The following TARS1 variants were observed in gnomAD, a reference collection of about 807,000 sequenced individuals.
TARS1 encodes threonine--tRNA ligase 1, cytoplasmic.
Under a neutral mutation model 97.7 loss-of-function variants are expected in TARS1, and 57 were observed. The ratio of observed to expected loss-of-function variants is 0.58; its 90% CI spans 0.47 to 0.73. TARS1 has a LOEUF of 0.73. Ranked by LOEUF, TARS1 falls within the 30% of genes least tolerant of loss-of-function variation. The pLI is 0.00. For synonymous variants in TARS1, 312 were observed against 293.7 expected, an observed-to-expected ratio of 1.06 and a Z score of -0.64; for missense variants, 806 against 888.3, an observed-to-expected ratio of 0.91 and a Z score of 1.18.
chr5:33,463,772 C>T lies in TARS1; in HGVS notation c.1855C>T (p.Arg619Cys), dbSNP rs76751197. ...GGKWPFWLSP[R>C]QVMVVPVGPT... ...CCAAAGGCCCTTTTGGCTGTCCCCT[C>T]GCCAGGTAATGGTAGTTCCAGTGGG... Residue 619 changes from arginine (R) to cysteine (C), a missense_variant, in exon 17 of 19, where the codon CGC becomes TGC. Coordinates refer to ENST00000265112, the MANE Select transcript of TARS1 (RefSeq NM_152295.5). 1.6e-5 allele frequency: 26 copies of T among 1,612,394 alleles called. No individual in the cohort carries two copies. Among genetic ancestry groups the T allele is most frequent in the Admixed American group, 1.2e-4 (7 of 59,880 alleles).
Position 33,456,051 on chromosome 5 carries a change from C to G in TARS1, c.743C>G (p.Thr248Ser), listed in dbSNP as rs756108779. Residue 248 changes from threonine (T) to serine (S), a missense_variant, in exon 7 of 19, where the codon ACT becomes AGT. Thr to Ser is a moderately conservative substitution (Grantham distance 58). Around this residue, in one of 3 missense-constraint regions of TARS1, gnomAD observed 356 missense variants for 357.8 expected, o/e 0.99. Transcript: ENST00000265112. ...TTGAATGAAAAGGTGAATACTCCAA[C>G]TACCACAGTCTATAGGTAAGAATAT... is the stretch of plus-strand genomic sequence containing the variant. ...RILNEKVNTP[T>S]TTVYRCGPLI... 3 of 1,613,772 alleles carry G rather than the reference C, an allele frequency of 1.9e-6. No individual in the cohort carries two copies. Among genetic ancestry groups the G allele is most frequent in the South Asian group, 2.2e-5 (2 of 91,058 alleles).
intron 4 of TARS1, among the ~76,000 whole-genome samples, chr5:33,454,110 G>A (rs1367882959): frequency 4.6e-5 from 7 of 152,160 alleles, no homozygotes; most frequent in Non-Finnish European, 1.0e-4. Flanking sequence ...GATAATTTCT[G>A]TATTTTTTTC....
intron 1 of TARS1, chr5:33,441,867 AG>A (rs1221238365): frequency 6.6e-6 from 1 of 152,280 alleles, no homozygotes; most frequent in Non-Finnish European, 1.5e-5. Context: ...ACGTAAAGGT[AG>A]GGAAGGCAGT....
chr5:33,449,162 C>A (rs1464141732), intron 3 of TARS1, among the ~76,000 whole-genome samples: 1 of 151,958 alleles, frequency 6.6e-6, no homozygotes, highest in Non-Finnish European at 1.5e-5. Flanking sequence ...TATTCCTAGT[C>A]TTAAAACTTT....
intron 1 of TARS1, chr5:33,441,387 C>T (rs933764971): frequency 1.9e-6 from 1 of 525,210 alleles, no homozygotes; most frequent in Non-Finnish European, 3.4e-6. Context: ...GGAAACAGAC[C>T]TTGAGTGAGC....
At chr5:33,466,686 A>G in intron 17 of TARS1, 185 bp from the exon 18 acceptor site, 3 of 422,408 alleles carry the variant, frequency 7.1e-6, no homozygotes, top group Non-Finnish European at 1.3e-5. Flanking sequence ...GGTAATAAAG[A>G]GGAGCTGGCC....
At position 33,441,060 on chromosome 5, in the gene TARS1, G is replaced by A. The variant is rs1741062274; in HGVS notation, c.-27G>A. 6.2e-7 allele frequency: 1 copy of A among 1,614,160 alleles called. No homozygotes were observed. The highest frequency in any genetic ancestry group is 8.5e-7 in the Non-Finnish European group (1 of 1,179,996). ...CTCTCCTCTAGGCCGTCGCTTTCGG[G>A]TTCTCTCATCGCTTCGTCGTTCGCC... is the stretch of plus-strand genomic sequence containing the variant. On this transcript the variant is annotated 5_prime_UTR_variant, in exon 1 of 19. Transcript: ENST00000265112.
chr5:33,461,090 T>C, intron 12 of TARS1, 26 bp downstream of exon 12: 1 of 1,608,800 alleles, frequency 6.2e-7, no homozygotes, highest in Non-Finnish European at 8.5e-7. Context: ...AATAAAATAC[T>C]TAGAAAGAAG....
chr5:33,461,521 G>A, intron 13 of TARS1, 146 bp from the exon 14 acceptor site: 2 of 948,582 alleles, frequency 2.1e-6, no homozygotes, highest in Non-Finnish European at 3.1e-6. Context: ...AAAAGGGGTT[G>A]GTATGAGCAT....
chr5:33,458,421 T>A, intron 9 of TARS1, 145 bp from the exon 10 acceptor site: 1 of 567,688 alleles, frequency 1.8e-6, no homozygotes, highest in South Asian at 2.6e-5. Context: ...AACACTGACA[T>A]GGTTTCTTTG....
At chr5:33,454,867 G>T (rs995045673) in intron 4 of TARS1, 78 bp from the exon 5 acceptor site, 1 of 1,533,568 alleles carries the variant, frequency 6.5e-7, no homozygotes, top group Admixed American at 2.0e-5. Flanking sequence ...ATTATCATCT[G>T]TCTCTTTCAG....
intron 3 of TARS1, among the ~76,000 whole-genome samples, chr5:33,449,007 C>T (rs955722012): frequency 2.6e-5 from 4 of 151,984 alleles, no homozygotes; most frequent in African/African-American, 9.7e-5. Context: ...GTTACAAAAC[C>T]GACTAGACAG....
chr5:33,441,389 T>A (rs1056048305), intron 1 of TARS1: 7 of 523,454 alleles, frequency 1.3e-5, no homozygotes, highest in Non-Finnish European at 2.4e-5. Context: ...AAACAGACCT[T>A]GAGTGAGCGA....
At chr5:33,444,871 A>G (rs1741332091) in intron 1 of TARS1, among the ~76,000 whole-genome samples, 1 of 152,086 alleles carries the variant, frequency 6.6e-6, no homozygotes, top group Admixed American at 6.5e-5. Context: ...CTAGGTTTAC[A>G]CATGGTAGGG....
intron 1 of TARS1, among the ~76,000 whole-genome samples, chr5:33,442,419 T>C (rs1023107834): frequency 2.0e-5 from 3 of 151,850 alleles, no homozygotes; most frequent in Non-Finnish European, 4.4e-5. Context: ...ACGTGATATG[T>C]ATGGTTAACA....
In TARS1 at chr5:33,453,294, G is replaced by T. The variant is rs1471353545; in HGVS notation, c.335G>T (p.Gly112Val). 1.3e-6 allele frequency: 2 copies of T among 1,564,440 alleles called. No individual in the cohort carries two copies. The highest frequency in any genetic ancestry group is 1.2e-5 in the South Asian group (1 of 82,920). ...TTTTTTTTTTTTTTTTTAAGTCAAG[G>T]CCTGGCCGACAACACCGTTATTGCT... The part of the protein sequence containing the change: ...PYQIACGISQ[G>V]LADNTVIAKV... Residue 112 changes from glycine (G) to valine (V), a missense_variant, in exon 4 of 19, where the codon GGC (glycine) becomes GTC (valine). By Grantham distance (109) the Gly-to-Val change is moderately radical. This residue lies in a region of TARS1 where 356 missense variants were observed against 357.8 expected (regional missense o/e 0.99). Coordinates refer to ENST00000265112, the MANE Select transcript of TARS1 (RefSeq NM_152295.5).
intron 9 of TARS1, among the ~76,000 whole-genome samples, chr5:33,457,683 C>T (rs895879791): frequency 5.3e-5 from 8 of 152,178 alleles, no homozygotes; most frequent in African/African-American, 1.9e-4. Context: ...ATAACAGCTT[C>T]TCATAGAGCT....
chr5:33,453,869 A>G (rs1368354278), intron 4 of TARS1, among the ~76,000 whole-genome samples: 2 of 151,922 alleles, frequency 1.3e-5, no homozygotes, highest in East Asian at 1.9e-4. Context: ...ATAGGAGCGC[A>G]CTACCACACT....
At chr5:33,451,572 A>C (rs529103069) in intron 3 of TARS1, among the ~76,000 whole-genome samples, 2 of 152,050 alleles carry the variant, frequency 1.3e-5, no homozygotes, top group Non-Finnish European at 2.9e-5. Flanking sequence ...ACGGGGTTTC[A>C]CTGTGTTAGC....
Sources: gnomAD v4.1 joint callset for allele counts (sites outside exome capture counted in the v4.1 genomes callset) on GRCh38, gnomAD v4.1.1 for gene constraint, gnomAD v4.1.1 regional missense constraint, MANE v1.5 for transcripts, NCBI Gene and HGNC (gene_info 2026-07-23, HGNC 2026-07-21) for gene names.